GNL3L: variants seen among roughly 807,000 people sequenced by gnomAD.
The protein encoded by GNL3L is guanine nucleotide-binding protein-like 3-like protein.
In GNL3L, 4 loss-of-function variants were observed where a neutral mutation model predicts 42.9. That is an observed-to-expected ratio of 0.09 (90% CI 0.05 to 0.21). GNL3L has a LOEUF of 0.21. Ranked by LOEUF, GNL3L falls within the 10% of genes least tolerant of loss-of-function variation. GNL3L has a pLI of 1.00. For missense variants in GNL3L, 412 were observed against 481.7 expected (o/e 0.86, Z 1.36); for synonymous variants, 159 against 176.3 (o/e 0.90, Z 0.78).
At chrX:54,568,277 A>C (rs1487264983), downstream of GNL3L, among the ~76,000 whole-genome samples, 1 of 111,779 alleles carries the variant, frequency 8.9e-6, no homozygotes, top group Non-Finnish European at 1.9e-5. Context: ...TATTCTTTTA[A>C]TAAATTGTTG....
At chrX:54,588,823 C>T (rs1264468765) in intron 16 of GNL3L, among the ~76,000 whole-genome samples, 3 of 111,916 alleles carry the variant, frequency 2.7e-5, no homozygotes, top group Non-Finnish European at 5.6e-5. Flanking sequence ...AAAGTGGAAC[C>T]AGCCATATCG....
At position 54,607,121 on chromosome X, in the gene GNL3L, CTTTCTTTCTTTCTTTCTTTG is replaced by C. The variant is rs1408711019; in HGVS notation, c.*46-13722_*46-13703del. ...TCTTTCTTTCTTTCTTTCTTTCTTT[CTTTCTTTCTTTCTTTCTTTG>C]TCTCTCTCTCTCTCTCTTTCTTTCT... On this transcript the variant is annotated intron_variant, in intron 16 of 16. Transcript: ENST00000674498. Among the ~76,000 whole-genome samples, 5 of 77,302 alleles carry C rather than the reference CTTTCTTTCTTTCTTTCTTTG, an allele frequency of 6.5e-5. No homozygotes were observed. The East Asian group carries it at 1.2e-3, about 19-fold the overall frequency. The allele number at this position is 77,302 out of a possible 115,157, so 67.1% of individuals were successfully genotyped here.
chrX:54,643,041 C>T, the GNL3L span, among the ~76,000 whole-genome samples: 4 of 111,975 alleles, frequency 3.6e-5, no homozygotes, highest in Admixed American at 3.8e-4. Flanking sequence ...AAGCATGTAT[C>T]TTTCTGCATA....
chrX:54,551,728 T>C lies in GNL3L; in HGVS notation c.1024T>C (p.Cys342Arg), dbSNP rs776226899. 8.3e-7 allele frequency: 1 copy of C among 1,211,398 alleles called. No individual in the cohort carries two copies. Among genetic ancestry groups the C allele is most frequent in the East Asian group, 3.0e-5 (1 of 33,831 alleles). ...CCCAGTGGAGACCATCCTGCAGCGC[T>C]GCAACCTGGAGGAGGTCCGCAGCAG... ...VTPVETILQRCNLEEISNYYG... is the reference protein window; with the variant it reads ...VTPVETILQRRNLEEISNYYG... The change falls in exon 11 of 16, where the codon TGC becomes CGC. Residue 342 changes from cysteine to arginine, a missense_variant. Physicochemically the swap from Cys to Arg is radical, Grantham distance 180 (BLOSUM62 -3). Transcript: ENST00000360845.
intron 16 of GNL3L, among the ~76,000 whole-genome samples, chrX:54,605,709 TTTA>T (rs1462006816): frequency 1.8e-5 from 2 of 111,512 alleles, no homozygotes; most frequent in Non-Finnish European, 3.8e-5. Context: ...CTTTCACTTA[TTTA>T]TTATTATCCC....
chrX:54,556,166 G>T (rs1925088972), intron 14 of GNL3L, among the ~76,000 whole-genome samples: 1 of 111,079 alleles, frequency 9.0e-6, no homozygotes, highest in Non-Finnish European at 1.9e-5. Flanking sequence ...GTAAAGAGCT[G>T]CCTGAGACTG....
At chrX:54,552,876 T>C (rs1924988078) in intron 13 of GNL3L, among the ~76,000 whole-genome samples, 1 of 112,162 alleles carries the variant, frequency 8.9e-6, no homozygotes, top group African/African-American at 3.2e-5. Context: ...GCCAAAAGGA[T>C]GTCAGCAGAG....
intron 5 of GNL3L, among the ~76,000 whole-genome samples, chrX:54,542,513 T>G (rs1427749457): frequency 9.0e-6 from 1 of 111,287 alleles, no homozygotes; most frequent in Non-Finnish European, 1.9e-5. Flanking sequence ...GACATTTGGG[T>G]TGGTTCCAAG....
chrX:54,613,589 T>C (rs1444799809), intron 16 of GNL3L, among the ~76,000 whole-genome samples: 1 of 111,135 alleles, frequency 9.0e-6, no homozygotes, highest in African/African-American at 3.3e-5. Context: ...GGTCTAAGGC[T>C]GAAGGGATGT....
chrX:54,582,482 A>G, intron 16 of GNL3L, among the ~76,000 whole-genome samples: 1 of 112,465 alleles, frequency 8.9e-6, no homozygotes, highest in Middle Eastern at 4.6e-3. Flanking sequence ...TGAGTGATAC[A>G]GTTTCTTTGC....
At position 54,554,636 on chromosome X, in the gene GNL3L, C is replaced by T. The variant is rs1483034249; in HGVS notation, c.1390C>T (p.His464Tyr). ...DPLEMEIKLL[H>Y]SPMTKIADAI... ...ACTTGAAATGGAGATCAAGTTGCTCCATTCTCCGATGACGAAAATAGCAGA... is the reference window on the plus strand; with the variant it reads ...ACTTGAAATGGAGATCAAGTTGCTCTATTCTCCGATGACGAAAATAGCAGA... Residue 464 changes from histidine to tyrosine, a missense_variant, in exon 14 of 16, where the codon CAT becomes TAT. Physicochemically the swap from His to Tyr is moderately conservative, Grantham distance 83. Coordinates refer to ENST00000360845, the MANE Select transcript of GNL3L (RefSeq NM_001184819.2). The T allele has an allele frequency of 7.5e-6, 9 of 1,201,283 alleles. No individual in the cohort carries two copies. Among genetic ancestry groups the T allele is most frequent in the Non-Finnish European group, 1.0e-5 (9 of 887,676 alleles).
At chrX:54,573,242 C>G (rs775346591) in intron 16 of GNL3L, among the ~76,000 whole-genome samples, 1 of 113,312 alleles carries the variant, frequency 8.8e-6, no homozygotes, top group Admixed American at 9.2e-5. Flanking sequence ...CCACTGCACT[C>G]CAGCCTGGGC....
At chrX:54,599,754 A>G (rs950132785) in intron 16 of GNL3L, among the ~76,000 whole-genome samples, 11 of 109,750 alleles carry the variant, frequency 1.0e-4, no homozygotes, top group African/African-American at 3.3e-4. Context: ...TTCTGAGTCT[A>G]TTTTCTCTCT....
intron 16 of GNL3L, among the ~76,000 whole-genome samples, chrX:54,594,541 CTTT>C (rs766441455): frequency 0.012 from 1,096 of 95,127 alleles, 14 homozygotes; most frequent in African/African-American, 0.041. Context: ...ATCATTGGGC[CTTT>C]TTTTTTTTTT....
At chrX:54,552,021 C>T (rs994600080) in intron 12 of GNL3L, 47 bp downstream of exon 12, 1 of 1,173,789 alleles carries the variant, frequency 8.5e-7, no homozygotes, top group Non-Finnish European at 1.2e-6. Flanking sequence ...GGCAGCCTGG[C>T]TCCCCAAAGG....
intron 16 of GNL3L, among the ~76,000 whole-genome samples, chrX:54,600,415 A>C (rs772562009): frequency 1.9e-5 from 2 of 105,863 alleles, no homozygotes; most frequent in Non-Finnish European, 3.9e-5. Context: ...TAGTAGAGAG[A>C]GGGTTTCTCC....
At chrX:54,608,825 G>A (rs1602007611) in intron 16 of GNL3L, among the ~76,000 whole-genome samples, 2 of 112,236 alleles carry the variant, frequency 1.8e-5, no homozygotes, top group African/African-American at 6.5e-5. Context: ...GCGTGTGCAA[G>A]TATCTTTTTT....
In GNL3L at chrX:54,533,515, A is replaced by G. The variant is rs746502010; in HGVS notation, c.19+930A>G. Among the ~76,000 whole-genome samples, 315 of 111,776 alleles carry G rather than the reference A, an allele frequency of 2.8e-3. 2 individuals are homozygous for G. Among genetic ancestry groups the G allele is most frequent in the African/African-American group, 9.6e-3 (295 of 30,774 alleles). ...CCCTGCCAGTGGACAGCTTGGTGGGAAAAAAATACATTTTTTATATAATCA... is the reference window on the plus strand; with the variant it reads ...CCCTGCCAGTGGACAGCTTGGTGGGGAAAAAATACATTTTTTATATAATCA... On this transcript the variant is annotated intron_variant, in intron 2 of 15. Coordinates refer to ENST00000360845, the MANE Select transcript of GNL3L (RefSeq NM_001184819.2).
chrX:54,638,132 C>G, the GNL3L span, among the ~76,000 whole-genome samples: 1 of 111,757 alleles, frequency 8.9e-6, no homozygotes, highest in Non-Finnish European at 1.9e-5. Flanking sequence ...TTTTATCCAT[C>G]CTTTGCAATT....
Sources: allele counts gnomAD v4.1 joint callset (sites outside exome capture counted in the v4.1 genomes callset), GRCh38; gene constraint gnomAD v4.1.1; transcripts MANE v1.5; gene names NCBI Gene and HGNC (gene_info 2026-07-23, HGNC 2026-07-21).